The following EDIL3 variants were observed in gnomAD, a reference collection of about 807,000 sequenced individuals.
EDIL3 encodes the protein EGF like and discoidin domains 3.
Under a neutral mutation model 67.4 loss-of-function variants are expected in EDIL3, and 37 were observed. The ratio of observed to expected loss-of-function variants is 0.55; its 90% CI spans 0.42 to 0.72. The LOEUF (loss-of-function observed/expected upper bound fraction) is 0.72, where lower values mean the gene tolerates loss of function less well. EDIL3 is among the 30% of genes least tolerant of loss of function. The pLI is 0.00. For missense variants in EDIL3, 527 were observed against 586.3 expected (o/e 0.90, Z 1.04); for synonymous variants, 195 against 196.3 (o/e 0.99, Z 0.05).
chr5:84,076,875 G>C (rs566570792), intron 6 of EDIL3, among the ~76,000 whole-genome samples: 1 of 152,146 alleles, frequency 6.6e-6, no homozygotes, highest in African/African-American at 2.4e-5. Flanking sequence ...GTAGGGGAAA[G>C]GAGTTGTTTA....
intron 1 of EDIL3, among the ~76,000 whole-genome samples, chr5:84,328,211 C>T (rs1262902178): frequency 8.6e-5 from 13 of 151,976 alleles, no homozygotes; most frequent in Admixed American, 8.5e-4. Flanking sequence ...GTCCACAATC[C>T]TATTCTATAT....
intron 3 of EDIL3, among the ~76,000 whole-genome samples, chr5:84,194,963 G>C (rs1213669081): frequency 6.6e-6 from 1 of 151,898 alleles, no homozygotes; most frequent in Non-Finnish European, 1.5e-5. Flanking sequence ...CACTGACACT[G>C]TATTTAATAC....
chr5:84,361,185 G>A (rs1183601287), intron 1 of EDIL3, among the ~76,000 whole-genome samples: 1 of 151,360 alleles, frequency 6.6e-6, no homozygotes, highest in Non-Finnish European at 1.5e-5. Context: ...CATTAGTTTG[G>A]ATTTGCTTCA....
chr5:84,100,337 C>G (rs946906254), intron 6 of EDIL3, among the ~76,000 whole-genome samples: 1 of 152,026 alleles, frequency 6.6e-6, no homozygotes, highest in African/African-American at 2.4e-5. Flanking sequence ...AAATGCCCAT[C>G]AATGATAGAC....
intron 3 of EDIL3, among the ~76,000 whole-genome samples, chr5:84,182,274 C>A (rs924634130): frequency 3.3e-5 from 2 of 60,008 alleles, no homozygotes; most frequent in Non-Finnish European, 4.1e-5. Context: ...AAAAAATACA[C>A]ACACACACAC....
chr5:84,190,354 G>C (rs866890230), intron 3 of EDIL3, among the ~76,000 whole-genome samples: 27 of 151,774 alleles, frequency 1.8e-4, no homozygotes, highest in Admixed American at 1.1e-3. Flanking sequence ...AAGTATATCT[G>C]TCAGAACTCA....
intron 9 of EDIL3, among the ~76,000 whole-genome samples, chr5:84,046,040 T>G (rs1746218202): frequency 6.6e-6 from 1 of 152,204 alleles, no homozygotes; most frequent in Non-Finnish European, 1.5e-5. Flanking sequence ...TAAAACATAA[T>G]GTATGAATAA....
At chr5:84,365,818 C>G (rs1230518119) in intron 1 of EDIL3, among the ~76,000 whole-genome samples, 6 of 151,972 alleles carry the variant, frequency 3.9e-5, no homozygotes, top group Non-Finnish European at 7.4e-5. Context: ...ATAATAATAC[C>G]AGATGTTTAT....
At chr5:84,267,998 A>T (rs899858562) in intron 1 of EDIL3, among the ~76,000 whole-genome samples, 1 of 152,106 alleles carries the variant, frequency 6.6e-6, no homozygotes, top group Admixed American at 6.5e-5. Flanking sequence ...TTAGCTGGGC[A>T]TGGCTGCGTG....
intron 9 of EDIL3, among the ~76,000 whole-genome samples, chr5:84,017,443 T>G (rs2112187344): frequency 6.6e-6 from 1 of 152,322 alleles, no homozygotes; most frequent in East Asian, 1.9e-4. Context: ...CTGAACTTTG[T>G]TTATGAATTT....
At chr5:84,136,602 T>C (rs1046580809) in intron 5 of EDIL3, among the ~76,000 whole-genome samples, 3 of 152,186 alleles carry the variant, frequency 2.0e-5, no homozygotes, top group African/African-American at 7.2e-5. Context: ...GACAAATAAA[T>C]AGTGTGCAAC....
chr5:84,258,528 G>C (rs1016791165), intron 1 of EDIL3, among the ~76,000 whole-genome samples: 8 of 152,124 alleles, frequency 5.3e-5, no homozygotes, highest in African/African-American at 1.9e-4. Context: ...GCTCAAGTAG[G>C]GTCCTGAAAG....
intron 2 of EDIL3, among the ~76,000 whole-genome samples, chr5:84,235,492 G>A (rs1744661931): frequency 6.6e-6 from 1 of 152,082 alleles, no homozygotes; most frequent in African/African-American, 2.4e-5. Context: ...TTGTACACAT[G>A]TAGTTAGCAT....
rs75197963 is a variant in EDIL3, at chr5:83,953,122, C to T, written c.1294-9554G>A. ...TCCTTTATCCTCTCTCCTGAGTATC[C>T]TCAGTAGACCATCTGGTCCAGCTAC... On this transcript the variant is annotated intron_variant, in intron 10 of 10. Coordinates refer to ENST00000296591, the MANE Select transcript of EDIL3 (RefSeq NM_005711.5). 4.7e-3 allele frequency among the ~76,000 whole-genome samples: 707 copies of T among 151,900 alleles called. 3 individuals are homozygous for T. The highest frequency in any genetic ancestry group is 8.1e-3 in the Non-Finnish European group (547 of 67,824).
chr5:84,281,069 A>G (rs1370065177), intron 1 of EDIL3, among the ~76,000 whole-genome samples: 1 of 152,132 alleles, frequency 6.6e-6, no homozygotes, highest in Non-Finnish European at 1.5e-5. Flanking sequence ...CACATATTAA[A>G]TGTTCAATAA....
At chr5:83,951,659 T>C (rs1169872218) in intron 10 of EDIL3, among the ~76,000 whole-genome samples, 1 of 151,746 alleles carries the variant, frequency 6.6e-6, no homozygotes, top group Admixed American at 6.6e-5. Flanking sequence ...GTAGTTGACA[T>C]GAAAGCTGGT....
chr5:84,342,102 A>T (rs1472145706), intron 1 of EDIL3, among the ~76,000 whole-genome samples: 1 of 152,122 alleles, frequency 6.6e-6, no homozygotes, highest in Non-Finnish European at 1.5e-5. Flanking sequence ...TACGGAATCA[A>T]TGTAAGTGTC....
Position 84,106,684 on chromosome 5 carries a change from T to C in EDIL3, c.616A>G (p.Thr206Ala), listed in dbSNP as rs1477118490. 6.2e-7 allele frequency: 1 copy of C among 1,611,598 alleles called. No homozygotes were observed. Among genetic ancestry groups the C allele is most frequent in the African/African-American group, 1.3e-5 (1 of 74,864 alleles). The change falls in exon 6 of 11, where the codon ACA becomes GCA. Residue 206 changes from threonine to alanine, a missense_variant. This residue lies in a region of EDIL3 where 494 missense variants were observed against 522.5 expected (regional missense o/e 0.95). Transcript: ENST00000296591. ...GGCCATCTGTCATTTTCTGCAGCTG[T>C]CCACGCATTTATAAGCCCCTTCTTA... The part of the protein sequence containing the change: ...LNKKGLINAW[T>A]AAENDRWPWI...
At chr5:84,279,874 C>T (rs548195700) in intron 1 of EDIL3, among the ~76,000 whole-genome samples, 53 of 152,268 alleles carry the variant, frequency 3.5e-4, no homozygotes, top group African/African-American at 1.2e-3. Context: ...ATAAGCATTC[C>T]TTTATTGCCA....
Sources: allele counts gnomAD v4.1 joint callset (sites outside exome capture counted in the v4.1 genomes callset), GRCh38; gene constraint gnomAD v4.1.1; regional missense constraint gnomAD v4.1.1; transcripts MANE v1.5; gene names NCBI Gene and HGNC (gene_info 2026-07-23, HGNC 2026-07-21).